Variants in NDUFA7 observed in about 807,000 individuals in gnomAD.
NDUFA7 encodes NADH dehydrogenase [ubiquinone] 1 alpha subcomplex subunit 7.
NDUFA7 carries 18 observed loss-of-function variants against 14.2 expected under a neutral mutation model. That is an observed-to-expected ratio of 1.27 (90% confidence interval 0.88 to 1.88). NDUFA7 has a LOEUF of 1.88. NDUFA7 is among the 40% of genes most tolerant of loss of function. NDUFA7 has a pLI of 0.00. For missense variants in NDUFA7, 172 were observed against 147.3 expected, an observed-to-expected ratio of 1.17 and a Z score of -0.87; for synonymous variants, 75 against 62.1, an observed-to-expected ratio of 1.21 and a Z score of -0.98.
downstream of NDUFA7, among the ~76,000 whole-genome samples, chr19:8,310,000 T>C (rs116284384): frequency 7.6e-3 from 1,154 of 152,272 alleles, 7 homozygotes; most frequent in African/African-American, 0.023. Flanking sequence ...TGCCCTAGGT[T>C]TGCCTTCCCT....
chr19:8,314,738 C>T (rs1271470771), intron 3 of NDUFA7, among the ~76,000 whole-genome samples: 1 of 152,136 alleles, frequency 6.6e-6, no homozygotes, highest in East Asian at 1.9e-4. Flanking sequence ...ACGGTGAAAC[C>T]CCGTCTCTAC....
intron 3 of NDUFA7, among the ~76,000 whole-genome samples, chr19:8,315,696 G>A (rs898050822): frequency 6.6e-6 from 1 of 151,990 alleles, no homozygotes; most frequent in African/African-American, 2.4e-5. Context: ...GCTGAGCGCT[G>A]GTCCCCTGGT....
intron 3 of NDUFA7, among the ~76,000 whole-genome samples, chr19:8,314,152 T>A (rs1331280660): frequency 2.6e-5 from 4 of 151,944 alleles, no homozygotes; most frequent in Non-Finnish European, 2.9e-5. Context: ...TGAAACCCCA[T>A]CTCTACTAAA....
intron 2 of NDUFA7, among the ~76,000 whole-genome samples, chr19:8,318,663 C>CAAAA (rs35904087): frequency 7.3e-5 from 3 of 41,102 alleles, no homozygotes; most frequent in African/African-American, 7.9e-5. Context: ...CCCAGTCTTA[C>CAAAA]AAAAAAAAAA....
chr19:8,309,350 T>G (rs1004551235), downstream of NDUFA7, among the ~76,000 whole-genome samples: 17 of 152,040 alleles, frequency 1.1e-4, no homozygotes, highest in Admixed American at 1.0e-3. Flanking sequence ...AACATGCTCC[T>G]GTAGTCCCAG....
chr19:8,320,105 C>T (rs1222419426), intron 2 of NDUFA7, among the ~76,000 whole-genome samples: 1 of 152,198 alleles, frequency 6.6e-6, no homozygotes, highest in Non-Finnish European at 1.5e-5. Context: ...CCGCCTGCCT[C>T]AGCCTCCCCA....
At chr19:8,318,399 C>T (rs1329651813) in intron 2 of NDUFA7, among the ~76,000 whole-genome samples, 1 of 149,586 alleles carries the variant, frequency 6.7e-6, no homozygotes, top group Non-Finnish European at 1.5e-5. Context: ...CCGCCTGCCT[C>T]GGCCTCCCAA....
At chr19:8,319,710 G>C (rs1172244283) in intron 2 of NDUFA7, 2 of 151,694 alleles carry the variant, frequency 1.3e-5, no homozygotes, top group Non-Finnish European at 2.9e-5. Context: ...CCTTACCTCT[G>C]CCTACCCTTT....
At chr19:8,315,166 T>G (rs749483249) in intron 3 of NDUFA7, among the ~76,000 whole-genome samples, 1 of 152,150 alleles carries the variant, frequency 6.6e-6, no homozygotes, top group Non-Finnish European at 1.5e-5. Flanking sequence ...GTTCCCTGCC[T>G]AGGAAAGCCA....
rs751823118 is a variant in NDUFA7, at chr19:8,316,505, G to A, written c.242C>T (p.Pro81Leu). The A allele has an allele frequency of 1.2e-6, 2 of 1,613,962 alleles. No homozygotes were observed. The highest frequency in any genetic ancestry group is 1.7e-6 in the Non-Finnish European group (2 of 1,179,956). Residue 81 changes from proline to leucine, a missense_variant, in exon 3 of 4, where the codon CCA (proline) becomes CTA (leucine). Physicochemically the swap from Pro to Leu is moderately conservative, Grantham distance 98 (BLOSUM62 -3). Transcript: ENST00000301457. ...CGCTGGAGATCCTCACCTCTCTGCT[G>A]GCTTGCCTGACACCAGCGCCTTCTG... The part of the protein sequence containing the change: ...SSQKALVSGK[P>L]AESSAVAATE...
chr19:8,316,895 A>C, intron 2 of NDUFA7: 1 of 482,420 alleles, frequency 2.1e-6, no homozygotes, highest in Non-Finnish European at 3.8e-6. Context: ...CCTGTCCCAA[A>C]TGTGGAGGGT....
intron 2 of NDUFA7, among the ~76,000 whole-genome samples, chr19:8,317,238 T>G (rs1393621939): frequency 6.6e-6 from 1 of 152,158 alleles, no homozygotes; most frequent in Admixed American, 6.5e-5. Context: ...AACCCTGGGC[T>G]GGATTTACCT....
At chr19:8,320,822 A>G in intron 2 of NDUFA7, 35 bp downstream of exon 2, 1 of 1,613,360 alleles carries the variant, frequency 6.2e-7, no homozygotes, top group South Asian at 1.1e-5. Context: ...GAAAGGACAG[A>G]GCCAGAGGCT....
chr19:8,321,350 G>A lies in NDUFA7; in HGVS notation c.9C>T (p.Ser3=), dbSNP rs778038180. 3.2e-6 allele frequency: 5 copies of A among 1,576,348 alleles called. No homozygotes were observed. The highest frequency in any genetic ancestry group is 4.3e-6 in the Non-Finnish European group (5 of 1,163,482). MA[S]ATRLIQRLRN... Reference sequence around the variant, plus strand: ...GCAGCCGCTGGATGAGACGGGTGGCGGACGCCATCTTCCGTCCGCGATACT... The same window carrying A: ...GCAGCCGCTGGATGAGACGGGTGGCAGACGCCATCTTCCGTCCGCGATACT... The change falls in exon 1 of 4, where the codon TCC becomes TCT. Residue 3 remains serine, a synonymous_variant. Coordinates refer to ENST00000301457, the MANE Select transcript of NDUFA7 (RefSeq NM_005001.5).
At chr19:8,316,723 G>A in intron 2 of NDUFA7, 78 bp from the exon 3 acceptor site, 2 of 1,536,010 alleles carry the variant, frequency 1.3e-6, no homozygotes, top group Admixed American at 1.8e-5. Flanking sequence ...TGTCACCTCA[G>A]TCACAAAATG....
rs35904087 is a variant in NDUFA7 at position 8,318,663 on chromosome 19, C to CAA, written c.102-2020_102-2019dup. The stretch of plus-strand genomic sequence containing the variant: ...CCTGGGTCACAGAAACCCAGTCTTA[C>CAA]AAAAAAAAAAAAAAAAAAAAAAAAA... On this transcript the variant is annotated intron_variant, in intron 2 of 3. Transcript: ENST00000301457. Among the ~76,000 whole-genome samples the CAA allele has an allele frequency of 2.4e-4, 10 of 41,102 alleles. 2 individuals carry two copies. Among genetic ancestry groups the CAA allele is most frequent in the East Asian group, 1.1e-3 (1 of 928 alleles). The allele number at this position is 41,102 out of a possible 152,430, so 27.0% of individuals were successfully genotyped here.
intron 3 of NDUFA7, among the ~76,000 whole-genome samples, chr19:8,316,180 C>T (rs1198303763): frequency 6.8e-6 from 1 of 147,882 alleles, no homozygotes; most frequent in Non-Finnish European, 1.5e-5. Context: ...ATTGACCCAG[C>T]ATGGTGGCAC....
intron 2 of NDUFA7, among the ~76,000 whole-genome samples, chr19:8,317,175 T>A (rs1970245395): frequency 6.6e-6 from 1 of 152,148 alleles, no homozygotes; most frequent in African/African-American, 2.4e-5. Context: ...GCCAGGCAAC[T>A]CCTCTCTGGA....
intron 3 of NDUFA7, among the ~76,000 whole-genome samples, chr19:8,316,257 C>A (rs1318980087): frequency 6.6e-6 from 1 of 151,792 alleles, no homozygotes; most frequent in Non-Finnish European, 1.5e-5. Context: ...CCTAGGCGTT[C>A]AAGGCTGCAG....
Sources: gnomAD v4.1 joint callset for allele counts (sites outside exome capture counted in the v4.1 genomes callset) on GRCh38, gnomAD v4.1.1 for gene constraint, MANE v1.5 for transcripts, NCBI Gene and HGNC (gene_info 2026-07-23, HGNC 2026-07-21) for gene names.